The following HPD variants were observed in gnomAD, a reference collection of about 807,000 sequenced individuals.
HPD encodes 4-hydroxyphenylpyruvic acid oxidase.
Under a neutral mutation model 56.9 loss-of-function variants are expected in HPD, and 35 were observed. That is an observed-to-expected ratio of 0.62 (90% confidence interval 0.47 to 0.82). HPD has a LOEUF of 0.82. HPD is among the 40% of genes least tolerant of loss of function. The pLI is 0.00. For synonymous variants in HPD, 186 were observed against 200.2 expected (o/e 0.93, Z 0.60); for missense variants, 442 against 506.8 (o/e 0.87, Z 1.23).
chr12:121,854,525 G>A (rs1877922308), intron 7 of HPD, among the ~76,000 whole-genome samples, 178 bp downstream of exon 7: 1 of 152,168 alleles, frequency 6.6e-6, no homozygotes, highest in African/African-American at 2.4e-5. Context: ...TGGGAGGAGT[G>A]GCTGGTGGCT....
chr12:121,879,002 A>G, the HPD span, among the ~76,000 whole-genome samples: 5 of 151,936 alleles, frequency 3.3e-5, no homozygotes, highest in Non-Finnish European at 7.4e-5. Context: ...CATAACTTAT[A>G]GGCCGGGTGA....
At chr12:121,868,067 T>C (rs1360163858), upstream of HPD, among the ~76,000 whole-genome samples, 1 of 152,192 alleles carries the variant, frequency 6.6e-6, no homozygotes, top group African/African-American at 2.4e-5. Context: ...CTCATGCTTA[T>C]AATGCCAGCA....
upstream of HPD, among the ~76,000 whole-genome samples, chr12:121,865,176 G>C (rs1258924352): frequency 6.6e-6 from 1 of 152,018 alleles, no homozygotes; most frequent in Non-Finnish European, 1.5e-5. Context: ...GGTGAGGCAG[G>C]AGAATCGCTT....
At chr12:121,877,832 C>T in the HPD span, among the ~76,000 whole-genome samples, 1 of 152,218 alleles carries the variant, frequency 6.6e-6, no homozygotes, top group Non-Finnish European at 1.5e-5. Context: ...TAGCTCCAGA[C>T]AGTTGTTGCC....
chr12:121,854,016 G>A (rs1280238673), intron 7 of HPD, among the ~76,000 whole-genome samples: 1 of 152,230 alleles, frequency 6.6e-6, no homozygotes, highest in Non-Finnish European at 1.5e-5. Flanking sequence ...TTGGGAGGCT[G>A]AGTTGGGCGG....
At chr12:121,858,630 CA>C in intron 2 of HPD, 56 bp downstream of exon 2, 1 of 1,543,806 alleles carries the variant, frequency 6.5e-7, no homozygotes, top group Non-Finnish European at 9.0e-7. Flanking sequence ...AGTCTCCCTG[CA>C]CTCCGACCCC....
At chr12:121,875,556 G>A in the HPD span, among the ~76,000 whole-genome samples, 1 of 151,726 alleles carries the variant, frequency 6.6e-6, no homozygotes. Context: ...CTCCCAAGTA[G>A]CTGGAATTAT....
intron 7 of HPD, among the ~76,000 whole-genome samples, chr12:121,852,522 T>C (rs1877825805): frequency 6.6e-6 from 1 of 151,636 alleles, no homozygotes; most frequent in South Asian, 2.1e-4. Flanking sequence ...GTCTCTGTAT[T>C]ACAGTAACAC....
chr12:121,875,863 A>C, the HPD span, among the ~76,000 whole-genome samples: 3 of 152,138 alleles, frequency 2.0e-5, no homozygotes, highest in Admixed American at 2.0e-4. Flanking sequence ...GCTCACATCT[A>C]TATTCCCACC....
At chr12:121,886,622 A>G in the HPD span, among the ~76,000 whole-genome samples, 1 of 152,076 alleles carries the variant, frequency 6.6e-6, no homozygotes, top group African/African-American at 2.4e-5. Flanking sequence ...ACCACTTGCA[A>G]GTTAGTAGCA....
intron 9 of HPD, among the ~76,000 whole-genome samples, chr12:121,848,139 T>C (rs1877647101): frequency 6.6e-6 from 1 of 152,066 alleles, no homozygotes. Flanking sequence ...CAAGCCTCCC[T>C]GGACTGTGAT....
chr12:121,850,865 ATT>A (rs767930845), intron 7 of HPD, among the ~76,000 whole-genome samples: 4 of 133,066 alleles, frequency 3.0e-5, no homozygotes, highest in Admixed American at 7.6e-5. Context: ...CACCTGGCTA[ATT>A]TTTTTTTTTT....
rs1258628904 is a variant in HPD at position 121,856,724 on chromosome 12, G to C, written c.199-99C>G. 4 of 1,101,160 alleles carry C rather than the reference G, an allele frequency of 3.6e-6. No homozygotes were observed. In the Admixed American group the frequency reaches 5.7e-5, roughly 16 times the overall value. 68.2% of individuals were successfully genotyped at this position (1,101,160 alleles called of 1,614,324 possible). ...CTGCCGACCCGAAACACCCCTGATG[G>C]AGCACAAGAACTCCTGGACCTGGGT... On this transcript the variant is annotated intron_variant, in intron 4 of 13. Coordinates refer to ENST00000289004, the MANE Select transcript of HPD (RefSeq NM_002150.3).
intron 6 of HPD, among the ~76,000 whole-genome samples, chr12:121,855,730 A>C (rs2620335): frequency 0.13 from 19,486 of 151,190 alleles, 1,814 homozygotes; most frequent in African/African-American, 0.25. Context: ...CACACACACA[A>C]AAGAAAGAAA....
At chr12:121,844,078 G>A (rs1225186710) in intron 11 of HPD, among the ~76,000 whole-genome samples, 1 of 151,156 alleles carries the variant, frequency 6.6e-6, no homozygotes, top group African/African-American at 2.4e-5. Flanking sequence ...TTTTTGAGAT[G>A]GAGTCTCTGT....
intron 11 of HPD, among the ~76,000 whole-genome samples, chr12:121,844,378 A>C (rs1265641245): frequency 6.6e-6 from 1 of 151,908 alleles, no homozygotes; most frequent in East Asian, 1.9e-4. Flanking sequence ...CATTATGTCC[A>C]TGCAGCAATC....
chr12:121,886,140 ACT>A, the HPD span, among the ~76,000 whole-genome samples: 11 of 123,618 alleles, frequency 8.9e-5, no homozygotes, highest in Non-Finnish European at 1.7e-4. Flanking sequence ...ATGGGGTCTC[ACT>A]CTCTCGCCCG....
In HPD at chr12:121,840,020, T is replaced by G; in HGVS notation, c.983A>C (p.Glu328Ala). ...GAAGATCTGCAGGAGGTAGCCTTTC[T>G]CGTCGTAGTCCACCAGGATTTTCAG... ...EELKILVDYD[E>A]KGYLLQIFTK... Residue 328 changes from glutamate to alanine, a missense_variant, in exon 13 of 14, where the codon GAG becomes GCG. Glu to Ala is a moderately radical substitution (Grantham distance 107). Transcript: ENST00000289004. The G allele has an allele frequency of 6.2e-7, 1 of 1,613,694 alleles. No individual in the cohort carries two copies. Among genetic ancestry groups the G allele is most frequent in the Non-Finnish European group, 8.5e-7 (1 of 1,179,760 alleles).
At chr12:121,841,804 G>C (rs1790927436) in intron 12 of HPD, among the ~76,000 whole-genome samples, 1 of 151,782 alleles carries the variant, frequency 6.6e-6, no homozygotes, top group South Asian at 2.1e-4. Context: ...CCGGCCTCAG[G>C]CTCCCCAGTA....
Sources: gnomAD v4.1 joint callset for allele counts (sites outside exome capture counted in the v4.1 genomes callset) on GRCh38, gnomAD v4.1.1 for gene constraint, MANE v1.5 for transcripts, NCBI Gene and HGNC (gene_info 2026-07-23, HGNC 2026-07-21) for gene names.